Variants in C3orf52 observed in about 807,000 individuals in gnomAD.
The protein encoded by C3orf52 is TPA-induced transmembrane protein.
A neutral mutation model predicts 24.8 loss-of-function variants in C3orf52; 22 were observed. The ratio of observed to expected loss-of-function variants is 0.89; its 90% CI spans 0.63 to 1.27. C3orf52 has a LOEUF of 1.27. C3orf52 is among the 50% of genes most tolerant of loss of function. The pLI, the probability that C3orf52 is intolerant of heterozygous loss-of-function variation, is 0.00. For synonymous variants in C3orf52, 93 were observed against 100.2 expected, an observed-to-expected ratio of 0.93 and a Z score of 0.43; for missense variants, 265 against 260.7, an observed-to-expected ratio of 1.02 and a Z score of -0.11.
At chr3:112,097,923 T>C (rs1364234464) in intron 2 of C3orf52, among the ~76,000 whole-genome samples, 1 of 152,226 alleles carries the variant, frequency 6.6e-6, no homozygotes, top group Non-Finnish European at 1.5e-5. Context: ...ATGCTAATCA[T>C]GTAGAAGTTA....
downstream of C3orf52, chr3:112,121,971 T>C (rs762699352): frequency 7.2e-5 from 11 of 152,220 alleles, no homozygotes; most frequent in Non-Finnish European, 1.3e-4. Flanking sequence ...TAAACAAACC[T>C]CTTTTAAAAC....
chr3:112,098,441 A>G (rs769138787), intron 2 of C3orf52, among the ~76,000 whole-genome samples: 4 of 151,834 alleles, frequency 2.6e-5, no homozygotes, highest in Non-Finnish European at 5.9e-5. Flanking sequence ...GAGCTCATTC[A>G]CTCCCAGGAC....
chr3:112,092,681 T>A (rs2073889716), intron 1 of C3orf52, among the ~76,000 whole-genome samples: 1 of 152,234 alleles, frequency 6.6e-6, no homozygotes, highest in Non-Finnish European at 1.5e-5. Context: ...GTACTTGTTT[T>A]CATTGACCCC....
At chr3:112,131,686 T>G (rs1344908593), downstream of C3orf52, among the ~76,000 whole-genome samples, 1 of 152,166 alleles carries the variant, frequency 6.6e-6, no homozygotes, top group Non-Finnish European at 1.5e-5. Flanking sequence ...GATCAACTAT[T>G]TGGAAAAAAA....
At chr3:112,110,340 TAAATAA>T (rs1559974955) in intron 4 of C3orf52, among the ~76,000 whole-genome samples, 2 of 151,460 alleles carry the variant, frequency 1.3e-5, no homozygotes, top group African/African-American at 4.9e-5. Context: ...AAAATAAAAA[TAAATAA>T]AAATAAAAAA....
chr3:112,127,037 TA>T, intron 4 of C3orf52: 1 of 1,571,946 alleles, frequency 6.4e-7, no homozygotes, highest in Non-Finnish European at 8.7e-7. Context: ...TTTTTTCCTG[TA>T]AAAGAAAAGC....
chr3:112,094,820 G>A (rs1050113319), intron 2 of C3orf52, among the ~76,000 whole-genome samples: 4 of 152,164 alleles, frequency 2.6e-5, no homozygotes, highest in African/African-American at 9.7e-5. Context: ...ATGGTAGAGA[G>A]GGGCTCGACT....
At chr3:112,106,141 T>C (rs1167876275) in intron 3 of C3orf52, among the ~76,000 whole-genome samples, 1 of 152,220 alleles carries the variant, frequency 6.6e-6, no homozygotes, top group Non-Finnish European at 1.5e-5. Context: ...CTCTGTCTTT[T>C]AGGGATTTTT....
chr3:112,088,581 C>T (rs2073849818), intron 1 of C3orf52, among the ~76,000 whole-genome samples: 1 of 152,188 alleles, frequency 6.6e-6, no homozygotes, highest in Non-Finnish European at 1.5e-5. Flanking sequence ...TACCAAAATC[C>T]TCAAGTTCAC....
chr3:112,130,650 T>A, downstream of C3orf52: 1 of 749,912 alleles, frequency 1.3e-6, no homozygotes, highest in Non-Finnish European at 2.4e-6. Context: ...TCACACATGT[T>A]AATACTGTTT....
At chr3:112,131,760 A>C (rs2074458227), downstream of C3orf52, among the ~76,000 whole-genome samples, 1 of 152,250 alleles carries the variant, frequency 6.6e-6, no homozygotes, top group South Asian at 2.1e-4. Context: ...ATCAAAACTT[A>C]TGTGAGTTGA....
At chr3:112,128,341 C>T (rs567741716) in exon 5 of C3orf52, 5 of 592,606 alleles carry the variant, frequency 8.4e-6, no homozygotes, top group African/African-American at 1.9e-5. Flanking sequence ...TCCTTGGTTC[C>T]CTTGTAATGA....
At chr3:112,088,078 C>T (rs900356859) in intron 1 of C3orf52, among the ~76,000 whole-genome samples, 6 of 152,162 alleles carry the variant, frequency 3.9e-5, no homozygotes, top group Non-Finnish European at 8.8e-5. Flanking sequence ...CTCATGACGT[C>T]CTTGTTAGTA....
chr3:112,100,665 A>C (rs1201910166), intron 2 of C3orf52, among the ~76,000 whole-genome samples: 1 of 152,180 alleles, frequency 6.6e-6, no homozygotes, highest in Admixed American at 6.5e-5. Context: ...GATATCTATT[A>C]TGGAAATCTA....
At chr3:112,110,684 T>A (rs1297744304) in intron 4 of C3orf52, among the ~76,000 whole-genome samples, 5 of 152,238 alleles carry the variant, frequency 3.3e-5, no homozygotes, top group African/African-American at 9.6e-5. Context: ...TTAAAATTTA[T>A]ATCAAAGCTT....
At chr3:112,128,376 G>A (rs1172461371) in exon 5 of C3orf52, 1 of 492,904 alleles carries the variant, frequency 2.0e-6, no homozygotes. Flanking sequence ...TTATCCCCAG[G>A]AAATCAAGGT....
At chr3:112,133,640 A>G (rs896372827), downstream of C3orf52, 1 of 153,538 alleles carries the variant, frequency 6.5e-6, no homozygotes, top group African/African-American at 2.4e-5. Context: ...ACAGATGAAC[A>G]TTAAAAGATG....
chr3:112,125,542 C>A (rs1576162886), intron 4 of C3orf52, among the ~76,000 whole-genome samples: 1 of 152,206 alleles, frequency 6.6e-6, no homozygotes, highest in African/African-American at 2.4e-5. Flanking sequence ...CCTTACCTAG[C>A]CCCGTCTCCT....
chr3:112,107,967 C>T (rs188570231), intron 3 of C3orf52, among the ~76,000 whole-genome samples: 135 of 152,306 alleles, frequency 8.9e-4, no homozygotes, highest in Non-Finnish European at 2.8e-4. Context: ...GTATGTTCGA[C>T]TGCTTGTTAT....
Sources: allele counts gnomAD v4.1 joint callset (sites outside exome capture counted in the v4.1 genomes callset), GRCh38; gene constraint gnomAD v4.1.1; transcripts MANE v1.5; gene names NCBI Gene and HGNC (gene_info 2026-07-23, HGNC 2026-07-21).